The following AKAP6 variants were observed in gnomAD, a reference collection of about 807,000 sequenced individuals.
AKAP6 encodes A-kinase anchor protein 6.
A neutral mutation model predicts 188.5 loss-of-function variants in AKAP6; 58 were observed. That is an observed-to-expected ratio of 0.31 (90% CI 0.25 to 0.38). The LOEUF is 0.38. Ranked by LOEUF, AKAP6 falls within the 10% of genes least tolerant of loss-of-function variation. The probability of loss-of-function intolerance (pLI) is 1.00; values close to 1 mark genes in which losing one functional copy is unlikely to be tolerated. For missense variants in AKAP6, 2,710 were observed against 2,740.0 expected (o/e 0.99, Z 0.24); for synonymous variants, 989 against 998.6 (o/e 0.99, Z 0.18).
At chr14:32,646,046 A>T (rs1252413165) in intron 7 of AKAP6, among the ~76,000 whole-genome samples, 1 of 152,120 alleles carries the variant, frequency 6.6e-6, no homozygotes, top group Non-Finnish European at 1.5e-5. Flanking sequence ...CACTGGAATC[A>T]TCTTATCATC....
intron 9 of AKAP6, among the ~76,000 whole-genome samples, chr14:32,701,045 T>C (rs1890601403): frequency 6.6e-6 from 1 of 152,176 alleles, no homozygotes; most frequent in Admixed American, 6.6e-5. Context: ...TAGTTACTCA[T>C]ATGGCTTCAT....
chr14:32,439,987 A>G (rs1000659291), intron 2 of AKAP6, among the ~76,000 whole-genome samples: 3 of 152,198 alleles, frequency 2.0e-5, no homozygotes, highest in African/African-American at 7.2e-5. Context: ...CTATTTTTCA[A>G]CAAATAGATC....
intron 8 of AKAP6, among the ~76,000 whole-genome samples, chr14:32,686,797 A>T (rs1889944460): frequency 6.6e-6 from 1 of 152,044 alleles, no homozygotes; most frequent in African/African-American, 2.4e-5. Context: ...ATTCCAAGAG[A>T]GTTTTTAGGG....
rs143174193 is a variant in AKAP6, at chr14:32,461,360, C to T, written c.324+27543C>T. The stretch of plus-strand genomic sequence containing the variant: ...ACATCAGGCCAGTGCCCCTCTGGGA[C>T]GAAGCTTCCAGAGGAAGGAGCAGGC... On this transcript the variant is annotated intron_variant, in intron 2 of 13. Coordinates refer to ENST00000280979, the MANE Select transcript of AKAP6 (RefSeq NM_004274.5). 2.2e-3 allele frequency among the ~76,000 whole-genome samples: 336 copies of T among 152,282 alleles called. 1 individual carries two copies. Among genetic ancestry groups the T allele is most frequent in the African/African-American group, 7.5e-3 (310 of 41,572 alleles).
intron 11 of AKAP6, 21 bp from the exon 12 acceptor site, chr14:32,773,657 T>G (rs2273163): frequency 6.2e-7 from 1 of 1,606,942 alleles, no homozygotes; most frequent in Admixed American, 1.7e-5. Flanking sequence ...ACTCATAGAT[T>G]GGTTTCTCTC....
intron 7 of AKAP6, among the ~76,000 whole-genome samples, chr14:32,655,322 G>T (rs1470773314): frequency 6.6e-6 from 1 of 152,182 alleles, no homozygotes; most frequent in African/African-American, 2.4e-5. Flanking sequence ...GAGCGTAGAT[G>T]CAAGATGTTA....
At chr14:32,707,568 G>A (rs550991892) in intron 9 of AKAP6, among the ~76,000 whole-genome samples, 19 of 152,128 alleles carry the variant, frequency 1.2e-4, no homozygotes, top group South Asian at 1.0e-3. Context: ...CACACTCCAC[G>A]TGGAGGATTC....
intron 12 of AKAP6, among the ~76,000 whole-genome samples, chr14:32,810,510 C>T (rs1306777122): frequency 6.6e-6 from 1 of 152,114 alleles, no homozygotes; most frequent in East Asian, 1.9e-4. Context: ...AAGAAACCCT[C>T]CCAGGGGAGT....
chr14:32,599,265 C>T (rs896764849), intron 5 of AKAP6, 145 bp from the exon 6 acceptor site: 1 of 600,638 alleles, frequency 1.7e-6, no homozygotes, highest in Non-Finnish European at 2.9e-6. Context: ...TCCCAAATAT[C>T]AATAGCTTTT....
intron 9 of AKAP6, chr14:32,726,238 A>G: frequency 4.1e-6 from 4 of 972,192 alleles, no homozygotes; most frequent in Non-Finnish European, 4.9e-6. Flanking sequence ...AGTGAGGGGA[A>G]AAAATAATAT....
chr14:32,768,032 C>G (rs77151746), intron 11 of AKAP6, among the ~76,000 whole-genome samples: 2,998 of 152,240 alleles, frequency 0.02, 91 homozygotes, highest in African/African-American at 0.067. Flanking sequence ...CTCTTATCCA[C>G]CAACACTAAT....
chr14:32,621,401 T>C (rs1381978302), intron 7 of AKAP6, among the ~76,000 whole-genome samples: 1 of 152,118 alleles, frequency 6.6e-6, no homozygotes, highest in Non-Finnish European at 1.5e-5. Context: ...TTTCAAATAA[T>C]TTAAATTTCC....
intron 2 of AKAP6, among the ~76,000 whole-genome samples, chr14:32,478,538 C>A (rs1434951614): frequency 6.6e-6 from 1 of 152,010 alleles, no homozygotes; most frequent in Non-Finnish European, 1.5e-5. Flanking sequence ...TCAGAGGAGA[C>A]CTCTACCATA....
At position 32,821,675 on chromosome 14, in the gene AKAP6, G is replaced by T. The variant is rs747671412; in HGVS notation, c.3862G>T (p.Val1288Leu). The change falls in exon 13 of 14, where the codon GTG (valine) becomes TTG (leucine). Residue 1288 changes from valine to leucine, a missense_variant. This residue lies in a region of AKAP6 where 2,473 missense variants were observed against 2,426.1 expected (regional missense o/e 1.02). Transcript: ENST00000280979. ...CCCCTCTAGTCCACACATTTACCAG[G>T]TGTACAGCCTCCACAATGTTGAACT... ...TAPSSPHIYQ[V>L]YSLHNVELYE... 5 of 1,613,548 alleles carry T rather than the reference G, an allele frequency of 3.1e-6. No homozygotes were observed. Among genetic ancestry groups the T allele is most frequent in the Non-Finnish European group, 8.5e-7 (1 of 1,179,908 alleles).
At position 32,509,283 on chromosome 14, in the gene AKAP6, C is replaced by A. The variant is rs148039209; in HGVS notation, c.325-26271C>A. The stretch of plus-strand genomic sequence containing the variant: ...GGGATTACATGTGTACACTACCACG[C>A]CTGGCTAATTTTTTTTGTATTTTTA... On this transcript the variant is annotated intron_variant, in intron 2 of 13. Coordinates refer to ENST00000280979, the MANE Select transcript of AKAP6 (RefSeq NM_004274.5). Among the ~76,000 whole-genome samples the A allele has an allele frequency of 5.3e-5, 8 of 151,974 alleles. No individual in the cohort carries two copies. The East Asian group carries it at 1.4e-3, about 26-fold the overall frequency.
rs2034574459 is a variant in AKAP6, at chr14:32,823,038, G to A, written c.5225G>A (p.Cys1742Tyr). The change falls in exon 13 of 14, where the codon TGC (cysteine) becomes TAC (tyrosine). Residue 1742 changes from cysteine (C) to tyrosine (Y), a missense_variant. Cys to Tyr is a radical substitution (Grantham distance 194, BLOSUM62 -2). Coordinates refer to ENST00000280979, the MANE Select transcript of AKAP6 (RefSeq NM_004274.5). Reference sequence around the variant, plus strand: ...GTCAGCATGATTGTTAATGTCTCTTGCACCTCTGCTTGCACTGATGATGAA... The same window carrying A: ...GTCAGCATGATTGTTAATGTCTCTTACACCTCTGCTTGCACTGATGATGAA... ...VNVSMIVNVS[C>Y]TSACTDDEDD... 1 of 1,613,806 alleles carries A rather than the reference G, an allele frequency of 6.2e-7. No homozygotes were observed.
intron 7 of AKAP6, among the ~76,000 whole-genome samples, chr14:32,654,462 TCAAAA>T (rs1448827672): frequency 6.6e-6 from 1 of 152,038 alleles, no homozygotes; most frequent in East Asian, 1.9e-4. Flanking sequence ...ACCAATTAAA[TCAAAA>T]CAAAACACAC....
intron 7 of AKAP6, among the ~76,000 whole-genome samples, chr14:32,639,033 A>T (rs935019414): frequency 2.2e-4 from 33 of 151,650 alleles, no homozygotes; most frequent in African/African-American, 7.8e-4. Context: ...AGGTGACTTC[A>T]TATATATATA....
chr14:32,493,777 A>T (rs1234814178), intron 2 of AKAP6, among the ~76,000 whole-genome samples: 1 of 152,140 alleles, frequency 6.6e-6, no homozygotes, highest in Non-Finnish European at 1.5e-5. Flanking sequence ...ACATTCACTG[A>T]CATTTGTTAA....
Sources: allele counts gnomAD v4.1 joint callset (sites outside exome capture counted in the v4.1 genomes callset), GRCh38; gene constraint gnomAD v4.1.1; regional missense constraint gnomAD v4.1.1; transcripts MANE v1.5; gene names NCBI Gene and HGNC (gene_info 2026-07-23, HGNC 2026-07-21).